The following EPHA5 variants were observed in gnomAD, a reference collection of about 807,000 sequenced individuals.
The protein encoded by EPHA5 is EPH receptor A5.
EPHA5 carries 60 observed loss-of-function variants against 105.0 expected under a neutral mutation model. The observed-to-expected ratio is 0.57, with a 90% CI of 0.46 to 0.71. The LOEUF (loss-of-function observed/expected upper bound fraction) is 0.71. Ranked by LOEUF, EPHA5 falls within the 30% of genes least tolerant of loss-of-function variation. The probability of loss-of-function intolerance (pLI) is 0.00; values close to 1 mark genes in which losing one functional copy is unlikely to be tolerated. For missense variants in EPHA5, 1,218 were observed against 1,274.7 expected, an observed-to-expected ratio of 0.96 and a Z score of 0.68; for synonymous variants, 513 against 449.1, an observed-to-expected ratio of 1.14 and a Z score of -1.80.
chr4:65,612,312 C>T (rs1744853339), intron 2 of EPHA5, among the ~76,000 whole-genome samples: 1 of 151,934 alleles, frequency 6.6e-6, no homozygotes, highest in East Asian at 1.9e-4. Context: ...ATTTCTCATC[C>T]CTCATCCCCC....
At chr4:65,408,145 A>G (rs1304350594) in intron 7 of EPHA5, among the ~76,000 whole-genome samples, 1 of 152,146 alleles carries the variant, frequency 6.6e-6, no homozygotes, top group Non-Finnish European at 1.5e-5. Context: ...CATTAATGAT[A>G]TCATTAATTA....
At chr4:65,330,268 A>C (rs1720481137) in intron 16 of EPHA5, among the ~76,000 whole-genome samples, 1 of 151,502 alleles carries the variant, frequency 6.6e-6, no homozygotes, top group Non-Finnish European at 1.5e-5. Context: ...AGAAGACATA[A>C]GAGGTTATTA....
intron 8 of EPHA5, among the ~76,000 whole-genome samples, chr4:65,386,731 C>T (rs1215245928): frequency 6.6e-6 from 1 of 151,638 alleles, no homozygotes; most frequent in East Asian, 1.9e-4. Flanking sequence ...ACAAAACTAC[C>T]AATTAAAAAT....
chr4:65,542,185 G>A (rs975780007), intron 3 of EPHA5, among the ~76,000 whole-genome samples: 10 of 151,734 alleles, frequency 6.6e-5, no homozygotes, highest in Admixed American at 2.0e-4. Flanking sequence ...AACTAGAAAA[G>A]CCAGAGCAAA....
At chr4:65,461,536 G>A (rs1210899782) in intron 5 of EPHA5, among the ~76,000 whole-genome samples, 1 of 151,868 alleles carries the variant, frequency 6.6e-6, no homozygotes, top group Non-Finnish European at 1.5e-5. Context: ...ATTTTAGAAA[G>A]TATTTATTTT....
In EPHA5 at chr4:65,574,407, T is replaced by A. The variant is rs1161200383; in HGVS notation, c.910+27234A>T. The A allele has an allele frequency of 1.6e-5, 9 of 546,138 alleles. No individual in the cohort carries two copies. In the Admixed American group the frequency reaches 1.7e-4, roughly 10 times the overall value. 33.8% of individuals were successfully genotyped at this position (546,138 alleles called of 1,614,324 possible). A position where few individuals can be genotyped will look rare whatever the true frequency, so the allele number is the denominator to read the frequency against. Reference sequence around the variant, plus strand: ...AAAAAATAAAAAAATAAAAAAATACTCAAATAACTCAAATACATGTATTCA... The same window carrying A: ...AAAAAATAAAAAAATAAAAAAATACACAAATAACTCAAATACATGTATTCA... On this transcript the variant is annotated intron_variant, in intron 3 of 16. Coordinates refer to ENST00000613740, the MANE Select transcript of EPHA5 (RefSeq NM_001281766.3).
chr4:65,638,796 G>C (rs1052149585), intron 2 of EPHA5, among the ~76,000 whole-genome samples: 10 of 152,118 alleles, frequency 6.6e-5, no homozygotes, highest in African/African-American at 2.2e-4. Context: ...ATAGGGTTAA[G>C]TTATATGAGA....
At chr4:65,368,165 C>G (rs773656937) in intron 8 of EPHA5, among the ~76,000 whole-genome samples, 1 of 151,994 alleles carries the variant, frequency 6.6e-6, no homozygotes, top group Non-Finnish European at 1.5e-5. Context: ...GCTTTTTGCT[C>G]TTCTCCACAT....
At chr4:65,576,063 GAAAAGAAAAGAA>G (rs1560721188) in intron 3 of EPHA5, among the ~76,000 whole-genome samples, 1 of 56,050 alleles carries the variant, frequency 1.8e-5, no homozygotes, top group African/African-American at 6.9e-5. Context: ...AGAAAGAAAA[GAAAAGAAAAGAA>G]AAGAAAAGAA....
At chr4:65,615,613 A>G (rs922839614) in intron 2 of EPHA5, among the ~76,000 whole-genome samples, 4 of 151,994 alleles carry the variant, frequency 2.6e-5, no homozygotes, top group Non-Finnish European at 5.9e-5. Context: ...TCGCTGAGAA[A>G]GTACAGAAAA....
intron 10 of EPHA5, among the ~76,000 whole-genome samples, chr4:65,365,635 G>A (rs1408224216): frequency 5.0e-5 from 5 of 100,434 alleles, no homozygotes; most frequent in African/African-American, 1.6e-4. Flanking sequence ...ATACTTTTGG[G>A]TATTACAAAT....
chr4:65,529,691 G>A (rs1373035849), intron 3 of EPHA5, among the ~76,000 whole-genome samples: 1 of 152,052 alleles, frequency 6.6e-6, no homozygotes, highest in African/African-American at 2.4e-5. Context: ...AATCACATAA[G>A]TGTGCTTGCA....
intron 8 of EPHA5, among the ~76,000 whole-genome samples, chr4:65,391,214 A>T (rs1022528504): frequency 6.6e-6 from 1 of 152,056 alleles, no homozygotes; most frequent in Non-Finnish European, 1.5e-5. Flanking sequence ...ATTATAATTC[A>T]AGATGAGATT....
intron 4 of EPHA5, among the ~76,000 whole-genome samples, chr4:65,492,600 T>C (rs1731523110): frequency 6.6e-6 from 1 of 151,080 alleles, no homozygotes; most frequent in Admixed American, 6.6e-5. Flanking sequence ...ATGAATTTTG[T>C]CATACCGGCC....
intron 5 of EPHA5, among the ~76,000 whole-genome samples, chr4:65,424,702 GA>G (rs1724256469): frequency 6.6e-6 from 1 of 152,010 alleles, no homozygotes; most frequent in Non-Finnish European, 1.5e-5. Context: ...TGCTCGATGA[GA>G]TCCAAAGGCA....
chr4:65,322,163 C>A lies in EPHA5; in HGVS notation c.*1951G>T, dbSNP rs1719688001. On this transcript the variant is annotated 3_prime_UTR_variant, in exon 17 of 17. Coordinates refer to ENST00000613740, the MANE Select transcript of EPHA5 (RefSeq NM_001281766.3). ...GTTTGTGTGGACCCATGGTATATAG[C>A]CCTTATTATTATGAGAACTGAATGT... is the stretch of plus-strand genomic sequence containing the variant. 4.5e-6 allele frequency: 1 copy of A among 223,994 alleles called. No homozygotes were observed. The allele number at this position is 223,994 out of a possible 1,614,324, so 13.9% of individuals were successfully genotyped here. A position where few individuals can be genotyped will look rare whatever the true frequency, so the allele number is the denominator to read the frequency against.
intron 8 of EPHA5, among the ~76,000 whole-genome samples, chr4:65,375,841 T>A (rs1305001564): frequency 1.3e-5 from 2 of 151,500 alleles, no homozygotes; most frequent in Non-Finnish European, 1.5e-5. Flanking sequence ...ATACTATAGC[T>A]TTTACCAGAT....
At chr4:65,371,929 T>C (rs1718516272) in intron 8 of EPHA5, among the ~76,000 whole-genome samples, 1 of 152,006 alleles carries the variant, frequency 6.6e-6, no homozygotes, top group African/African-American at 2.4e-5. Flanking sequence ...TACTCCTGTA[T>C]TGTTTCTCTA....
intron 5 of EPHA5, among the ~76,000 whole-genome samples, chr4:65,438,583 G>C (rs960844979): frequency 1.3e-5 from 2 of 151,930 alleles, no homozygotes; most frequent in African/African-American, 4.8e-5. Flanking sequence ...GGAGAGTTAT[G>C]AAAGGATTTC....
Sources: allele counts gnomAD v4.1 joint callset (sites outside exome capture counted in the v4.1 genomes callset), GRCh38; gene constraint gnomAD v4.1.1; transcripts MANE v1.5; gene names NCBI Gene and HGNC (gene_info 2026-07-23, HGNC 2026-07-21).